The following GNG7 variants were observed in gnomAD, a reference collection of about 807,000 sequenced individuals.
GNG7 encodes guanine nucleotide-binding protein G(I)/G(S)/G(O) subunit gamma-7.
A neutral mutation model predicts 4.0 loss-of-function variants in GNG7; 1 was observed. That is an observed-to-expected ratio of 0.25 (90% CI 0.09 to 1.18). The LOEUF is 1.18. Among genes scored for constraint, GNG7 ranks in the 50% most tolerant of loss-of-function variants. The pLI, the probability that GNG7 is intolerant of heterozygous loss-of-function variation, is 0.50. For missense variants in GNG7, 86 were observed against 91.9 expected (o/e 0.94, Z 0.26); for synonymous variants, 34 against 36.9 (o/e 0.92, Z 0.29).
Position 2,513,569 on chromosome 19 carries a change from C to T in GNG7, c.*1453G>A, listed in dbSNP as rs1399343788. 6.1e-6 allele frequency: 6 copies of T among 985,410 alleles called. No homozygotes were observed. The highest frequency in any genetic ancestry group is 7.2e-6 in the Non-Finnish European group (6 of 830,020). The allele number at this position is 985,410 out of a possible 1,614,324, so 61.0% of individuals were successfully genotyped here. ...CCACTTGCCGCTGGGAGGAGTGGCC[C>T]ATCCTGCGTCTAAGGCATCTCCCGG... On this transcript the variant is annotated 3_prime_UTR_variant, in exon 5 of 5. Coordinates refer to ENST00000382159, the MANE Select transcript of GNG7 (RefSeq NM_052847.3).
At chr19:2,608,309 C>A (rs1437417352) in intron 2 of GNG7, among the ~76,000 whole-genome samples, 1 of 143,898 alleles carries the variant, frequency 6.9e-6, no homozygotes, top group African/African-American at 2.5e-5. Context: ...GTGGGATTTG[C>A]CCCTGGGAAA....
intron 2 of GNG7, among the ~76,000 whole-genome samples, chr19:2,627,787 G>A (rs1216608154): frequency 2.0e-5 from 3 of 152,206 alleles, no homozygotes; most frequent in Admixed American, 6.5e-5. Flanking sequence ...TTATGTTCTC[G>A]AGATTTCACT....
At chr19:2,672,185 C>A (rs994086126) in intron 1 of GNG7, among the ~76,000 whole-genome samples, 2 of 150,214 alleles carry the variant, frequency 1.3e-5, no homozygotes, top group Admixed American at 1.3e-4. Context: ...CCACAGGCAC[C>A]TGCCACCATA....
At position 2,699,147 on chromosome 19, in the gene GNG7, CTTT is replaced by C. The variant is rs371884402; in HGVS notation, c.-135+3496_-135+3498del. Among the ~76,000 whole-genome samples, 407 of 128,460 alleles carry C rather than the reference CTTT, an allele frequency of 3.2e-3. 1 individual carries two copies. The highest frequency in any genetic ancestry group is 8.8e-3 in the African/African-American group (301 of 34,268). The allele number at this position is 128,460 out of a possible 152,430, so 84.3% of individuals were successfully genotyped here. On this transcript the variant is annotated intron_variant, in intron 1 of 4. Coordinates refer to ENST00000382159, the MANE Select transcript of GNG7 (RefSeq NM_052847.3). ...AAAGGCCCACCTAGAAAGGAGTAGC[CTTT>C]TTTTTTTTTTTTTTTTGAGACAGAG...
At chr19:2,580,061 C>G (rs1474645120) in intron 2 of GNG7, among the ~76,000 whole-genome samples, 2 of 152,106 alleles carry the variant, frequency 1.3e-5, no homozygotes. Context: ...CCAGTGCCAT[C>G]CCAGAGGACC....
chr19:2,644,156 G>A (rs928869323), intron 2 of GNG7, among the ~76,000 whole-genome samples: 7 of 151,540 alleles, frequency 4.6e-5, no homozygotes, highest in African/African-American at 1.5e-4. Flanking sequence ...AAGTAGCTGG[G>A]ATTACAGGTG....
chr19:2,524,428 T>C (rs190882037), intron 3 of GNG7, among the ~76,000 whole-genome samples: 18 of 152,304 alleles, frequency 1.2e-4, no homozygotes, highest in African/African-American at 4.3e-4. Context: ...TGCACATGTG[T>C]ATGTGTGTGC....
chr19:2,622,328 G>C (rs916847645), intron 2 of GNG7, among the ~76,000 whole-genome samples: 4 of 152,286 alleles, frequency 2.6e-5, no homozygotes, highest in Admixed American at 2.0e-4. Flanking sequence ...ATCCGCCTGT[G>C]TCGGCCTCCC....
chr19:2,615,297 G>T (rs539371069), intron 2 of GNG7, among the ~76,000 whole-genome samples: 1 of 151,754 alleles, frequency 6.6e-6, no homozygotes, highest in East Asian at 1.9e-4. Flanking sequence ...CGCCTCCAGG[G>T]AGCCCTCCAG....
rs140870087 is a variant in GNG7, at chr19:2,589,219, C to T, written c.-77-34031G>A. Among the ~76,000 whole-genome samples, 286 of 151,096 alleles carry T rather than the reference C, an allele frequency of 1.9e-3. 1 individual carries two copies. Among genetic ancestry groups the T allele is most frequent in the Non-Finnish European group, 2.6e-3 (176 of 67,734 alleles). ...CTGGGATTCCAGGCATGAGCCACCACGCCCGGCCGTCTCTTTCTTCTAAGA... is the reference window on the plus strand; with the variant it reads ...CTGGGATTCCAGGCATGAGCCACCATGCCCGGCCGTCTCTTTCTTCTAAGA... On this transcript the variant is annotated intron_variant, in intron 2 of 4. Coordinates refer to ENST00000382159, the MANE Select transcript of GNG7 (RefSeq NM_052847.3).
At chr19:2,605,196 G>GT (rs760864490) in intron 2 of GNG7, among the ~76,000 whole-genome samples, 45 of 151,864 alleles carry the variant, frequency 3.0e-4, no homozygotes, top group East Asian at 1.7e-3. Flanking sequence ...TCTCACTGTT[G>GT]TTTTTTTTGT....
chr19:2,514,923 T>G lies in GNG7; in HGVS notation c.*99A>C. The G allele has an allele frequency of 2.1e-6, 2 of 965,570 alleles. No individual in the cohort carries two copies. The highest frequency in any genetic ancestry group is 3.2e-6 in the Non-Finnish European group (2 of 633,350). The allele number at this position is 965,570 out of a possible 1,614,324, so 59.8% of individuals were successfully genotyped here. On this transcript the variant is annotated 3_prime_UTR_variant, in exon 5 of 5. Transcript: ENST00000382159. ...TTTTGGGGACTTGAGATGTTTTGTT[T>G]GAGCTAATTACTGAATGATGCCCTG...
rs202078955 is a variant in GNG7, at chr19:2,545,976, AAAAC to A, written c.-38+9169_-38+9172del. Among the ~76,000 whole-genome samples, 1,030 of 152,150 alleles carry A rather than the reference AAAAC, an allele frequency of 6.8e-3. 13 individuals are homozygous for A. Among genetic ancestry groups the A allele is most frequent in the African/African-American group, 0.023 (973 of 41,530 alleles). On this transcript the variant is annotated intron_variant, in intron 3 of 4. Coordinates refer to ENST00000382159, the MANE Select transcript of GNG7 (RefSeq NM_052847.3). ...CCTCAAAAACAAAACAAAACAAAAC[AAAAC>A]AAACAAACGAAAAAGAAAGGTGCAC...
At chr19:2,661,302 G>A (rs61080450) in intron 1 of GNG7, among the ~76,000 whole-genome samples, 4,168 of 72,250 alleles carry the variant, frequency 0.058, 223 homozygotes, top group Non-Finnish European at 0.071. Flanking sequence ...AAGAAAGAAA[G>A]AGAAAGAAAG....
intron 1 of GNG7, among the ~76,000 whole-genome samples, chr19:2,649,627 A>G (rs1982757614): frequency 6.6e-6 from 1 of 151,882 alleles, no homozygotes; most frequent in Non-Finnish European, 1.5e-5. Flanking sequence ...TGACCTCATG[A>G]TCCACCCGCC....
rs1250581952 is a variant in GNG7, at chr19:2,633,487, G to GCGCGCA, written c.-78+12736_-78+12737insTGCGCG. Reference sequence around the variant, plus strand: ...TAGCAACAGGCGCGCGCGCGCGCGCGCACACACACACACACACACACACAC... The same window carrying GCGCGCA: ...TAGCAACAGGCGCGCGCGCGCGCGCGCGCGCACACACACACACACACACACACACAC... On this transcript the variant is annotated intron_variant, in intron 2 of 4. Coordinates refer to ENST00000382159, the MANE Select transcript of GNG7 (RefSeq NM_052847.3). This position sits in a 1 kb window ranked among gnomAD's most constrained non-coding sequence, Gnocchi z 5.9. Among the ~76,000 whole-genome samples, 355 of 103,690 alleles carry GCGCGCA rather than the reference G, an allele frequency of 3.4e-3. 2 individuals carry two copies. Among genetic ancestry groups the GCGCGCA allele is most frequent in the African/African-American group, 0.012 (314 of 25,414 alleles). The allele number at this position is 103,690 out of a possible 152,430, so 68.0% of individuals were successfully genotyped here.
rs1045368594 is a variant in GNG7 at position 2,546,791 on chromosome 19, C to T, written c.-38+8358G>A. Among the ~76,000 whole-genome samples, 4 of 152,112 alleles carry T rather than the reference C, an allele frequency of 2.6e-5. No individual in the cohort carries two copies. Among genetic ancestry groups the T allele is most frequent in the African/African-American group, 9.7e-5 (4 of 41,424 alleles). On this transcript the variant is annotated intron_variant, in intron 3 of 4. Coordinates refer to ENST00000382159, the MANE Select transcript of GNG7 (RefSeq NM_052847.3). This position sits in a 1 kb window ranked among gnomAD's most constrained non-coding sequence, Gnocchi z 6.3. ...GAAAAGCTGCTCTCTGTCCACCCGG[C>T]GGTGGGGTCGGCGGGGGCGGGGGAT...
rs116181693 is a variant in GNG7, at chr19:2,614,390, C to T, written c.-78+31834G>A. Among the ~76,000 whole-genome samples, 14,275 of 152,170 alleles carry T rather than the reference C, an allele frequency of 0.094. 1,466 individuals carry two copies. The highest frequency in any genetic ancestry group is 0.26 in the African/African-American group (10,754 of 41,456). ...TCGTGCAGCCATCATCTCTAGCTAG[C>T]TCTAGAACATTCTCAGCCCCCCAAA... On this transcript the variant is annotated intron_variant, in intron 2 of 4. Transcript: ENST00000382159. This position sits in a 1 kb window ranked among gnomAD's most constrained non-coding sequence, Gnocchi z 6.0.
intron 3 of GNG7, among the ~76,000 whole-genome samples, chr19:2,539,303 A>G (rs1259519693): frequency 1.4e-5 from 2 of 140,880 alleles, no homozygotes; most frequent in African/African-American, 5.7e-5. Context: ...AAACATATAT[A>G]CCAACTTTTT....
Sources: gnomAD v4.1 joint callset for allele counts (sites outside exome capture counted in the v4.1 genomes callset) on GRCh38, gnomAD v4.1.1 for gene constraint, Gnocchi (gnomAD v3.1) non-coding constraint, MANE v1.5 for transcripts, NCBI Gene and HGNC (gene_info 2026-07-23, HGNC 2026-07-21) for gene names.